Variants in TMEM243 observed in about 807,000 individuals in gnomAD.
TMEM243 encodes the protein MDR1 and mitochondrial taxol resistance associated.
A neutral mutation model predicts 15.0 loss-of-function variants in TMEM243; 20 were observed. The ratio of observed to expected loss-of-function variants is 1.33; its 90% confidence interval spans 0.94 to 1.93. TMEM243 has a LOEUF of 1.93. TMEM243 is among the 30% of genes most tolerant of loss of function. TMEM243 has a pLI of 0.00. For synonymous variants in TMEM243, 72 were observed against 52.7 expected, an observed-to-expected ratio of 1.37 and a Z score of -1.59; for missense variants, 156 against 142.1, an observed-to-expected ratio of 1.10 and a Z score of -0.50.
intron 1 of TMEM243, among the ~76,000 whole-genome samples, chr7:87,209,460 C>G (rs1326821242): frequency 6.8e-6 from 1 of 147,176 alleles, no homozygotes; most frequent in Non-Finnish European, 1.5e-5. Flanking sequence ...GTGAGACAGA[C>G]AGAGTGAGAC....
At chr7:87,198,579 A>T in intron 2 of TMEM243, 1 of 173,470 alleles carries the variant, frequency 5.8e-6, no homozygotes, top group South Asian at 1.6e-4. Flanking sequence ...TAAAAATTTT[A>T]TTGTAATAGC....
At chr7:87,196,949 A>ATACT (rs892478189) in intron 3 of TMEM243, among the ~76,000 whole-genome samples, 191 bp from the exon 4 acceptor site, 11 of 152,000 alleles carry the variant, frequency 7.2e-5, no homozygotes, top group African/African-American at 2.7e-4. Flanking sequence ...ATCCAAGATC[A>ATACT]TACTTATTCC....
Position 87,208,663 on chromosome 7 carries a change from C to T in TMEM243, c.79-9606G>A, listed in dbSNP as rs570074668. ...TTGGAAGGTCTGGGAAGGTAAGGACCATGTCTTCCTTGTTCACTGTTGAAT... is the reference window on the plus strand; with the variant it reads ...TTGGAAGGTCTGGGAAGGTAAGGACTATGTCTTCCTTGTTCACTGTTGAAT... On this transcript the variant is annotated intron_variant, in intron 1 of 3. Transcript: ENST00000257637. 2.0e-5 allele frequency among the ~76,000 whole-genome samples: 3 copies of T among 152,342 alleles called. No homozygotes were observed. The South Asian group carries it at 6.2e-4, about 32-fold the overall frequency.
chr7:87,204,564 C>T (rs1048450310), intron 1 of TMEM243, among the ~76,000 whole-genome samples: 2 of 152,190 alleles, frequency 1.3e-5, no homozygotes, highest in Non-Finnish European at 2.9e-5. Context: ...AATAAAGGGG[C>T]TACAGGCCCC....
At chr7:87,213,838 A>G (rs771900172) in intron 1 of TMEM243, among the ~76,000 whole-genome samples, 1 of 151,910 alleles carries the variant, frequency 6.6e-6, no homozygotes, top group African/African-American at 2.4e-5. Context: ...CTTTGGAACC[A>G]AAGATCTGAG....
chr7:87,204,214 G>A (rs577573339), intron 1 of TMEM243, among the ~76,000 whole-genome samples: 2 of 152,260 alleles, frequency 1.3e-5, no homozygotes, highest in Admixed American at 1.3e-4. Flanking sequence ...CCATGATTCA[G>A]TCATCTCCCA....
intron 1 of TMEM243, among the ~76,000 whole-genome samples, chr7:87,205,546 C>T (rs1227641895): frequency 6.6e-6 from 1 of 152,182 alleles, no homozygotes; most frequent in Non-Finnish European, 1.5e-5. Context: ...CCTAACTCAT[C>T]TCCCTCAAGT....
At chr7:87,219,339 C>T in intron 1 of TMEM243, 87 bp downstream of exon 1, 2 of 1,329,262 alleles carry the variant, frequency 1.5e-6, no homozygotes, top group Non-Finnish European at 2.2e-6. Flanking sequence ...CTTTTAGGAG[C>T]CGCAGAAAGA....
At chr7:87,198,335 G>A (rs185902102) in intron 2 of TMEM243, 125 of 308,412 alleles carry the variant, frequency 4.1e-4, no homozygotes, top group African/African-American at 2.6e-3. Flanking sequence ...TAATGATTCT[G>A]CTGGTAAAAG....
In TMEM243 at chr7:87,196,719, T is replaced by C; in HGVS notation, c.274A>G (p.Arg92Gly). ...YRQGDLEPKF[R>G]KLIYYIIFSI... ...AATATGATATAGTAAATTAGCTTTC[T>C]AAATTTCGGTTCTAAGTCTCCTTGT... Residue 92 changes from arginine to glycine, a missense_variant, in exon 4 of 4, where the codon AGA becomes GGA. By Grantham distance (125) the Arg-to-Gly change is moderately radical. Coordinates refer to ENST00000257637, the MANE Select transcript of TMEM243 (RefSeq NM_024315.4). 6.2e-7 allele frequency: 1 copy of C among 1,606,440 alleles called. No homozygotes were observed. The highest frequency in any genetic ancestry group is 8.5e-7 in the Non-Finnish European group (1 of 1,174,976).
chr7:87,217,278 T>A lies in TMEM243; in HGVS notation c.78+2148A>T, dbSNP rs188913790. Among the ~76,000 whole-genome samples the A allele has an allele frequency of 1.6e-4, 25 of 152,322 alleles. 1 individual carries two copies. The highest frequency in any genetic ancestry group is 1.0e-3 in the Admixed American group (16 of 15,302). On this transcript the variant is annotated intron_variant, in intron 1 of 3. Coordinates refer to ENST00000257637, the MANE Select transcript of TMEM243 (RefSeq NM_024315.4). ...AGTTTCCACTGTGAAGTGGCTATTG[T>A]GTCGTTTCCTGGCATGTAAAACAGC... is the stretch of plus-strand genomic sequence containing the variant.
In TMEM243 at chr7:87,214,089, A is replaced by C. The variant is rs1584550996; in HGVS notation, c.78+5337T>G. The stretch of plus-strand genomic sequence containing the variant: ...AAACTCGTTTGCACTACATGGCACC[A>C]AGTGGAGAGTGTTCCTTCTTTTCCC... On this transcript the variant is annotated intron_variant, in intron 1 of 3. Coordinates refer to ENST00000257637, the MANE Select transcript of TMEM243 (RefSeq NM_024315.4). Among the ~76,000 whole-genome samples the C allele has an allele frequency of 2.0e-5, 3 of 152,316 alleles. No homozygotes were observed. In the East Asian group the frequency reaches 5.8e-4, roughly 29 times the overall value.
intron 1 of TMEM243, among the ~76,000 whole-genome samples, chr7:87,201,923 C>G (rs1162535956): frequency 6.6e-6 from 1 of 152,182 alleles, no homozygotes; most frequent in Non-Finnish European, 1.5e-5. Context: ...AGCCTGGATC[C>G]TTGCCTGCTG....
At position 87,211,188 on chromosome 7, in the gene TMEM243, A is replaced by G. The variant is rs1177336226; in HGVS notation, c.78+8238T>C. Among the ~76,000 whole-genome samples the G allele has an allele frequency of 3.3e-5, 5 of 152,230 alleles. No individual in the cohort carries two copies. The East Asian group carries it at 9.6e-4, about 29-fold the overall frequency. ...GCATCTCATTATTGGGCCACCAGAA[A>G]TAGCAGCCTGACCCTCAGTTTGGTC... On this transcript the variant is annotated intron_variant, in intron 1 of 3. Transcript: ENST00000257637.
At position 87,198,078 on chromosome 7, in the gene TMEM243, A is replaced by G. The variant is rs754589802; in HGVS notation, c.130-33T>C. 8.9e-6 allele frequency: 14 copies of G among 1,565,444 alleles called. No individual in the cohort carries two copies. The South Asian group carries it at 1.3e-4, about 14-fold the overall frequency. On this transcript the variant is annotated intron_variant, in intron 2 of 3. Coordinates refer to ENST00000257637, the MANE Select transcript of TMEM243 (RefSeq NM_024315.4). ...AAGAGAAATTATGTAAGGCCTTAAC[A>G]GTAATTCCAAGACTTGGTAATTACC...
intron 1 of TMEM243, among the ~76,000 whole-genome samples, chr7:87,209,548 CAATGAG>C: frequency 1.0e-4 from 2 of 19,320 alleles, no homozygotes; most frequent in Non-Finnish European, 1.9e-4. Context: ...AAGTGAGAGA[CAATGAG>C]AGAGACAATG....
intron 1 of TMEM243, among the ~76,000 whole-genome samples, chr7:87,206,409 C>A (rs760158737): frequency 1.2e-4 from 19 of 152,246 alleles, no homozygotes; most frequent in Admixed American, 2.6e-4. Flanking sequence ...GTGTCCCACA[C>A]TGGCATTTAA....
chr7:87,203,607 T>TAA (rs201660147), intron 1 of TMEM243, among the ~76,000 whole-genome samples: 17 of 137,174 alleles, frequency 1.2e-4, no homozygotes, highest in South Asian at 4.6e-4. Flanking sequence ...ATGAGAATCT[T>TAA]AAAAAAAAAA....
chr7:87,199,289 T>C (rs1801612436), intron 1 of TMEM243: 1 of 438,600 alleles, frequency 2.3e-6, no homozygotes, highest in Non-Finnish European at 4.0e-6. Context: ...AGAACATTTA[T>C]ACTAGAGTCT....
Sources: allele counts gnomAD v4.1 joint callset (sites outside exome capture counted in the v4.1 genomes callset), GRCh38; gene constraint gnomAD v4.1.1; transcripts MANE v1.5; gene names NCBI Gene and HGNC (gene_info 2026-07-23, HGNC 2026-07-21).